The following SLX9 variants were observed in gnomAD, a reference collection of about 807,000 sequenced individuals.
SLX9 encodes the protein SLX9 ribosome biogenesis factor, also known as ribosome biogenesis protein SLX9 homolog.
A neutral mutation model predicts 20.8 loss-of-function variants in SLX9; 19 were observed. That is an observed-to-expected ratio of 0.91 (90% CI 0.64 to 1.34). The LOEUF (loss-of-function observed/expected upper bound fraction) is 1.34, where lower values mean the gene tolerates loss of function less well. Ranked by LOEUF, SLX9 falls within the 40% of genes most tolerant of loss-of-function variation. The pLI is 0.00. For synonymous variants in SLX9, 113 were observed against 137.1 expected (o/e 0.82, Z 1.23); for missense variants, 299 against 322.2 (o/e 0.93, Z 0.55).
At position 44,940,053 on chromosome 21, in the gene SLX9, G is replaced by A; in HGVS notation, c.-5G>A. The A allele has an allele frequency of 6.9e-7, 1 of 1,453,338 alleles. No homozygotes were observed. Among genetic ancestry groups the A allele is most frequent in the Non-Finnish European group, 9.1e-7 (1 of 1,102,894 alleles). The allele number at this position is 1,453,338 out of a possible 1,614,324, so 90.0% of individuals were successfully genotyped here. A position where few individuals can be genotyped will look rare whatever the true frequency, so the allele number is the denominator to read the frequency against. Reference sequence around the variant, plus strand: ...TCCGCACGTTTGCCGTGCTCCGCCGGGAAGATGGGGAAAGTGAGGGGGTTG... The same window carrying A: ...TCCGCACGTTTGCCGTGCTCCGCCGAGAAGATGGGGAAAGTGAGGGGGTTG... On this transcript the variant is annotated 5_prime_UTR_variant, in exon 1 of 6. Coordinates refer to ENST00000291634, the MANE Select transcript of SLX9 (RefSeq NM_058190.4).
chr21:44,974,356 T>C (rs2085222734), intron 5 of SLX9, among the ~76,000 whole-genome samples: 1 of 152,202 alleles, frequency 6.6e-6, no homozygotes, highest in Non-Finnish European at 1.5e-5. Context: ...TACAGTTATG[T>C]TGGGAAGCTG....
chr21:44,965,996 G>A (rs935933724), intron 3 of SLX9, among the ~76,000 whole-genome samples: 6 of 152,234 alleles, frequency 3.9e-5, no homozygotes, highest in Admixed American at 2.0e-4. Flanking sequence ...GAGAGCTGGT[G>A]TACACCTTCC....
At chr21:44,965,052 T>C (rs901253590) in intron 3 of SLX9, among the ~76,000 whole-genome samples, 1 of 152,246 alleles carries the variant, frequency 6.6e-6, no homozygotes, top group African/African-American at 2.4e-5. Flanking sequence ...TGCTTTAATA[T>C]CCGATAGCCC....
chr21:44,952,640 T>C (rs8127517), intron 2 of SLX9, among the ~76,000 whole-genome samples: 11,714 of 152,286 alleles, frequency 0.077, 1,471 homozygotes, highest in African/African-American at 0.26. Context: ...GTCTTTTGGC[T>C]GGGTGGACAG....
At chr21:44,940,734 C>CTT (rs34958936) in intron 1 of SLX9, among the ~76,000 whole-genome samples, 63,025 of 148,728 alleles carry the variant, frequency 0.42, 14,142 homozygotes, top group African/African-American at 0.59. Context: ...GTGTAGGTAT[C>CTT]TGCATTTATT....
At chr21:44,957,509 A>G (rs927446364) in intron 2 of SLX9, among the ~76,000 whole-genome samples, 14 of 152,294 alleles carry the variant, frequency 9.2e-5, no homozygotes, top group African/African-American at 3.4e-4. Context: ...TCCAGCTCAG[A>G]TACAGGCGCT....
intron 4 of SLX9, among the ~76,000 whole-genome samples, chr21:44,967,521 C>G (rs750363468): frequency 6.6e-6 from 1 of 152,206 alleles, no homozygotes; most frequent in Non-Finnish European, 1.5e-5. Context: ...CACTGTTCTG[C>G]CACAGCCTCC....
At chr21:44,940,287 C>T (rs2084516611) in intron 1 of SLX9, 101 bp downstream of exon 1, 20 of 1,184,888 alleles carry the variant, frequency 1.7e-5, no homozygotes, top group Non-Finnish European at 1.8e-5. Context: ...CCGGCCTTCC[C>T]TCGGGCTCTG....
chr21:44,968,646 C>T (rs554545981), intron 4 of SLX9, among the ~76,000 whole-genome samples: 232 of 151,928 alleles, frequency 1.5e-3, no homozygotes, highest in Non-Finnish European at 2.5e-3. Context: ...TGGGCTCAGG[C>T]GGGGGCTGTG....
At chr21:44,954,315 G>A (rs948026949) in intron 2 of SLX9, among the ~76,000 whole-genome samples, 4 of 152,180 alleles carry the variant, frequency 2.6e-5, no homozygotes, top group South Asian at 4.1e-4. Context: ...CGAGCGTTGT[G>A]TGGGTGCCGT....
rs559654198 is a variant in SLX9 at position 44,969,667 on chromosome 21, A to G, written c.500+2486A>G. ...CTCCATGCAGCTCCCCCGTCCCCGCATGCTGTTGCTCTGACATGAGTGTGG... is the reference window on the plus strand; with the variant it reads ...CTCCATGCAGCTCCCCCGTCCCCGCGTGCTGTTGCTCTGACATGAGTGTGG... On this transcript the variant is annotated intron_variant, in intron 4 of 5. Coordinates refer to ENST00000291634, the MANE Select transcript of SLX9 (RefSeq NM_058190.4). 4.0e-4 allele frequency among the ~76,000 whole-genome samples: 61 copies of G among 152,336 alleles called. No individual in the cohort carries two copies. In the South Asian group the frequency reaches 0.011, roughly 28 times the overall value.
At chr21:44,944,430 C>T (rs73906957) in intron 2 of SLX9, among the ~76,000 whole-genome samples, 16 of 152,252 alleles carry the variant, frequency 1.1e-4, no homozygotes, top group Non-Finnish European at 2.1e-4. Flanking sequence ...CAGGGAACGC[C>T]GTCCCCCTGC....
intron 1 of SLX9, among the ~76,000 whole-genome samples, chr21:44,940,672 ATTT>A (rs34771024): frequency 0.23 from 33,386 of 146,118 alleles, 4,583 homozygotes; most frequent in African/African-American, 0.39. Context: ...TGCTTTCAGG[ATTT>A]TTTTTTTTTT....
intron 3 of SLX9, among the ~76,000 whole-genome samples, chr21:44,960,995 T>C (rs2084941372): frequency 6.6e-6 from 1 of 152,266 alleles, no homozygotes; most frequent in South Asian, 2.1e-4. Context: ...ATGTATGTTT[T>C]TCAGAGGTAG....
intron 2 of SLX9, among the ~76,000 whole-genome samples, chr21:44,948,237 G>A (rs966447561): frequency 2.0e-5 from 3 of 150,286 alleles, no homozygotes; most frequent in African/African-American, 4.9e-5. Flanking sequence ...GTGGAGCATC[G>A]GGCGGTCCGG....
intron 2 of SLX9, among the ~76,000 whole-genome samples, chr21:44,953,712 C>T (rs937288316): frequency 2.6e-5 from 4 of 152,210 alleles, no homozygotes; most frequent in African/African-American, 9.7e-5. Flanking sequence ...TGCCCTCTGG[C>T]CCCGCAGCCT....
chr21:44,972,786 G>A (rs117423880), intron 4 of SLX9, among the ~76,000 whole-genome samples: 2,128 of 152,316 alleles, frequency 0.014, 21 homozygotes, highest in Middle Eastern at 0.058. Flanking sequence ...CCTTTGGCCC[G>A]AAGTGTGAGG....
At position 44,976,761 on chromosome 21, in the gene SLX9, G is replaced by C; in HGVS notation, c.651G>C (p.Thr217=). The C allele has an allele frequency of 6.4e-7, 1 of 1,553,884 alleles. No homozygotes were observed. The highest frequency in any genetic ancestry group is 8.7e-7 in the Non-Finnish European group (1 of 1,150,692). Residue 217 remains threonine, a synonymous_variant, in exon 6 of 6, where the codon ACG becomes ACC. Coordinates refer to ENST00000291634, the MANE Select transcript of SLX9 (RefSeq NM_058190.4). ...RASPLVAIGQ[T]LARQMQLEDG... ...GCCCCCTGGTGGCCATCGGGCAGAC[G>C]CTGGCCCGGCAGATGCAGCTGGAAG... is the stretch of plus-strand genomic sequence containing the variant.
chr21:44,969,391 G>A, intron 4 of SLX9: 1 of 373,976 alleles, frequency 2.7e-6, no homozygotes, highest in Admixed American at 2.9e-5. Flanking sequence ...GGCGCTCCCA[G>A]AAGGGAGAGG....
Sources: allele counts gnomAD v4.1 joint callset (sites outside exome capture counted in the v4.1 genomes callset), GRCh38; gene constraint gnomAD v4.1.1; transcripts MANE v1.5; gene names NCBI Gene and HGNC (gene_info 2026-07-23, HGNC 2026-07-21).